Variants in UGT1A6 observed in about 807,000 individuals in gnomAD.
UGT1A6 encodes the protein UDP-glucuronosyltransferase 1A6.
UGT1A6 carries 32 observed loss-of-function variants against 44.4 expected under a neutral mutation model. The observed-to-expected ratio is 0.72, with a 90% confidence interval of 0.54 to 0.97. The LOEUF (loss-of-function observed/expected upper bound fraction) is 0.97. Ranked by LOEUF, UGT1A6 falls within the 50% of genes least tolerant of loss-of-function variation. UGT1A6 has a pLI of 0.00. For synonymous variants in UGT1A6, 238 were observed against 248.5 expected (o/e 0.96, Z 0.40); for missense variants, 685 against 661.9 (o/e 1.03, Z -0.38).
At position 233,692,938 on chromosome 2, in the gene UGT1A6, C is replaced by T. The variant is rs770236705; in HGVS notation, c.-67C>T. On this transcript the variant is annotated 5_prime_UTR_variant, in exon 1 of 5. Coordinates refer to ENST00000305139, the MANE Select transcript of UGT1A6 (RefSeq NM_001072.4). The stretch of plus-strand genomic sequence containing the variant: ...AGCAGTGGTTAGTTTAGGGAAAATA[C>T]CTAGGAGCCCTGTGATTTGGAGAGT... 113 of 1,592,260 alleles carry T rather than the reference C, an allele frequency of 7.1e-5. No homozygotes were observed. Among genetic ancestry groups the T allele is most frequent in the Non-Finnish European group, 9.0e-5 (105 of 1,171,754 alleles).
rs1491042837 is a variant in UGT1A6 at position 233,757,562 on chromosome 2, G to GTATATATATATATATATATA, written c.862-9465_862-9464insATATATATATATATATATAT. On this transcript the variant is annotated intron_variant, in intron 1 of 4. Coordinates refer to ENST00000305139, the MANE Select transcript of UGT1A6 (RefSeq NM_001072.4). ...TATATATATATATATATATATATAT[G>GTATATATATATATATATATA]TATATATGATATAGCTATAGTCTAA... 3.3e-5 allele frequency among the ~76,000 whole-genome samples: 3 copies of GTATATATATATATATATATA among 90,870 alleles called. 1 individual carries two copies. The highest frequency in any genetic ancestry group is 1.5e-4 in the African/African-American group (3 of 19,494). The allele number at this position is 90,870 out of a possible 152,430, so 59.6% of individuals were successfully genotyped here. A position where few individuals can be genotyped will look rare whatever the true frequency, so the allele number is the denominator to read the frequency against.
At chr2:233,697,192 T>C (rs1038681762) in intron 1 of UGT1A6, among the ~76,000 whole-genome samples, 1 of 152,136 alleles carries the variant, frequency 6.6e-6, no homozygotes, top group Non-Finnish European at 1.5e-5. Context: ...AATTCAGCAG[T>C]GAATCCATCT....
chr2:233,747,009 G>A (rs1693538108), intron 1 of UGT1A6, among the ~76,000 whole-genome samples: 1 of 151,886 alleles, frequency 6.6e-6, no homozygotes, highest in African/African-American at 2.4e-5. Context: ...TCAAGTAGGA[G>A]TGATCGGTCT....
Position 233,712,954 on chromosome 2 carries a change from G to T in UGT1A6, c.861+19089G>T, listed in dbSNP as rs367675101. On this transcript the variant is annotated intron_variant, in intron 1 of 4. Coordinates refer to ENST00000305139, the MANE Select transcript of UGT1A6 (RefSeq NM_001072.4). ...AGGAAACAATTCTAGGAGGCACAAC[G>T]TGGGGTGGACAGTCAGCTGTCGGTG... 79 of 1,612,730 alleles carry T rather than the reference G, an allele frequency of 4.9e-5. No individual in the cohort carries two copies. In the African/African-American group the frequency reaches 8.8e-4, roughly 18 times the overall value.
intron 1 of UGT1A6, among the ~76,000 whole-genome samples, chr2:233,707,757 T>A (rs1165246358): frequency 2.6e-5 from 4 of 152,186 alleles, no homozygotes; most frequent in African/African-American, 9.7e-5. Flanking sequence ...CTGAAACACA[T>A]GTGAGTGGGT....
At chr2:233,719,637 A>T in intron 1 of UGT1A6, 1 of 1,614,040 alleles carries the variant, frequency 6.2e-7, no homozygotes. Flanking sequence ...CATGCCCAAC[A>T]TGGTCTTCAT....
chr2:233,708,677 G>C (rs1252536651), intron 1 of UGT1A6: 1 of 152,186 alleles, frequency 6.6e-6, no homozygotes, highest in African/African-American at 2.4e-5. Context: ...TTTGAGCCCA[G>C]GAGTTCAAGG....
intron 1 of UGT1A6, among the ~76,000 whole-genome samples, chr2:233,704,944 T>C (rs1231562726): frequency 6.6e-6 from 1 of 152,116 alleles, no homozygotes; most frequent in Non-Finnish European, 1.5e-5. Flanking sequence ...AAGACCAGCC[T>C]GGCCAACATG....
chr2:233,741,050 G>A (rs1276633164), intron 1 of UGT1A6, among the ~76,000 whole-genome samples: 2 of 151,768 alleles, frequency 1.3e-5, no homozygotes, highest in African/African-American at 4.9e-5. Context: ...TCTTGCCTAG[G>A]TAACAGCTAC....
chr2:233,751,166 C>A lies in UGT1A6; in HGVS notation c.862-15868C>A, dbSNP rs1022992608. ...AGCCCACTTCTGGCATCAGCATGAC[C>A]TAGATATGAGACATGAAGTTAAAGG... On this transcript the variant is annotated intron_variant, in intron 1 of 4. Transcript: ENST00000305139. 3.9e-5 allele frequency among the ~76,000 whole-genome samples: 6 copies of A among 151,970 alleles called. 1 individual carries two copies. Among genetic ancestry groups the A allele is most frequent in the African/African-American group, 1.5e-4 (6 of 41,220 alleles).
At chr2:233,743,042 G>A (rs554129345) in intron 1 of UGT1A6, 2 of 311,812 alleles carry the variant, frequency 6.4e-6, no homozygotes, top group East Asian at 8.2e-5. Flanking sequence ...GGTCCTATCC[G>A]TGTAGTCCCA....
intron 1 of UGT1A6, among the ~76,000 whole-genome samples, chr2:233,712,765 T>A (rs566033271): frequency 3.0e-4 from 45 of 152,200 alleles, no homozygotes; most frequent in Admixed American, 1.7e-3. Flanking sequence ...GAGCGCAAGG[T>A]CAGATGAGTT....
At chr2:233,708,544 G>A (rs1488651265) in intron 1 of UGT1A6, 1 of 152,200 alleles carries the variant, frequency 6.6e-6, no homozygotes, top group Non-Finnish European at 1.5e-5. Context: ...TTGAGCCCAG[G>A]AGTTTGAGAC....
intron 1 of UGT1A6, among the ~76,000 whole-genome samples, chr2:233,750,277 G>A (rs1168754564): frequency 6.6e-6 from 1 of 151,936 alleles, no homozygotes; most frequent in Non-Finnish European, 1.5e-5. Context: ...TTAGCAAAGA[G>A]ACTGGTGGCA....
At chr2:233,758,953 C>T (rs1697026708) in intron 1 of UGT1A6, among the ~76,000 whole-genome samples, 1 of 152,184 alleles carries the variant, frequency 6.6e-6, no homozygotes. Flanking sequence ...ATCAGAATTT[C>T]CCCAAATGCC....
chr2:233,747,283 C>A (rs1693610010), intron 1 of UGT1A6: 1 of 1,600,180 alleles, frequency 6.2e-7, no homozygotes, highest in Admixed American at 1.7e-5. Flanking sequence ...CAGTGCCCAG[C>A]CCTGGGCTGA....
intron 1 of UGT1A6, among the ~76,000 whole-genome samples, chr2:233,704,631 AC>A (rs375388019): frequency 5.3e-5 from 8 of 152,238 alleles, no homozygotes; most frequent in Middle Eastern, 3.4e-3. Flanking sequence ...TGTTATATTA[AC>A]CTTTTTGCTT....
At chr2:233,744,920 C>T (rs543250877) in intron 1 of UGT1A6, among the ~76,000 whole-genome samples, 1 of 151,948 alleles carries the variant, frequency 6.6e-6, no homozygotes, top group African/African-American at 2.4e-5. Flanking sequence ...GCTCAAGCTC[C>T]TTTTATAAAA....
At chr2:233,771,667 A>C (rs1238919275) in intron 4 of UGT1A6, 1 of 152,440 alleles carries the variant, frequency 6.6e-6, no homozygotes, top group African/African-American at 2.4e-5. Flanking sequence ...AATTTCTCAC[A>C]AAATATCACT....
Sources: gnomAD v4.1 joint callset for allele counts (sites outside exome capture counted in the v4.1 genomes callset) on GRCh38, gnomAD v4.1.1 for gene constraint, MANE v1.5 for transcripts, NCBI Gene and HGNC (gene_info 2026-07-23, HGNC 2026-07-21) for gene names.